Variants in SLC35E2B observed in about 807,000 individuals in gnomAD.
The protein encoded by SLC35E2B is solute carrier family 35, member E2B.
Under a neutral mutation model 32.4 loss-of-function variants are expected in SLC35E2B, and 18 were observed. The ratio of observed to expected loss-of-function variants is 0.56; its 90% CI spans 0.38 to 0.82. SLC35E2B has a LOEUF of 0.82. Among genes scored for constraint, SLC35E2B ranks in the 40% least tolerant of loss-of-function variants. The pLI is 0.00. For synonymous variants in SLC35E2B, 132 were observed against 209.1 expected (o/e 0.63, Z 3.18); for missense variants, 263 against 469.5 (o/e 0.56, Z 4.06).
chr1:1,678,680 G>A (rs1320179793), intron 2 of SLC35E2B, among the ~76,000 whole-genome samples: 1 of 152,080 alleles, frequency 6.6e-6, no homozygotes, highest in African/African-American at 2.4e-5. Context: ...CCACTCCTCG[G>A]GCCACTGACA....
chr1:1,666,213 C>T (rs1048281260), intron 9 of SLC35E2B, among the ~76,000 whole-genome samples, 194 bp from the exon 10 acceptor site: 15 of 152,240 alleles, frequency 9.9e-5, no homozygotes, highest in Non-Finnish European at 1.6e-4. Context: ...GGGTGCTCAA[C>T]GGGACCTCGG....
chr1:1,686,554 C>A (rs1192226260), intron 2 of SLC35E2B, among the ~76,000 whole-genome samples: 2 of 143,430 alleles, frequency 1.4e-5, no homozygotes, highest in Admixed American at 1.4e-4. Flanking sequence ...GAGGCCGAGG[C>A]GGGTGGATCA....
Position 1,677,615 on chromosome 1 carries a change from C to T in SLC35E2B, c.-147-769G>A, listed in dbSNP as rs545609121. The stretch of plus-strand genomic sequence containing the variant: ...GCCTCAGGCTCCCGAGTAGCTGGGA[C>T]GACAGGCGTCCGCCACCACGTCCGG... On this transcript the variant is annotated intron_variant, in intron 2 of 9. Transcript: ENST00000617444. Among the ~76,000 whole-genome samples, 16 of 151,612 alleles carry T rather than the reference C, an allele frequency of 1.1e-4. No individual in the cohort carries two copies. In the South Asian group the frequency reaches 1.9e-3, roughly 18 times the overall value.
chr1:1,678,126 G>A (rs1041389949), intron 2 of SLC35E2B, among the ~76,000 whole-genome samples: 4 of 152,122 alleles, frequency 2.6e-5, no homozygotes, highest in Admixed American at 1.3e-4. Context: ...CGTGCTGCCC[G>A]ACCCAGTACC....
intron 2 of SLC35E2B, among the ~76,000 whole-genome samples, chr1:1,682,437 T>C (rs766512761): frequency 6.6e-6 from 1 of 151,920 alleles, no homozygotes; most frequent in Admixed American, 6.6e-5. Context: ...GAAGCTACGA[T>C]GGAAATGAGG....
intron 2 of SLC35E2B, among the ~76,000 whole-genome samples, chr1:1,688,888 G>A (rs1249716847): frequency 9.9e-5 from 15 of 151,404 alleles, no homozygotes; most frequent in African/African-American, 1.2e-4. Context: ...TAAGGACCTC[G>A]AGGTCGGGCG....
chr1:1,689,935 C>G (rs1643998925), intron 2 of SLC35E2B, among the ~76,000 whole-genome samples: 3 of 149,572 alleles, frequency 2.0e-5, no homozygotes, highest in East Asian at 2.0e-4. Flanking sequence ...TGCAGTGAGC[C>G]CAGACTGCGC....
At chr1:1,670,016 G>T in intron 7 of SLC35E2B, 82 bp downstream of exon 7, 1 of 1,256,822 alleles carries the variant, frequency 8.0e-7, no homozygotes, top group Non-Finnish European at 1.1e-6. Flanking sequence ...AGTCAGGCCT[G>T]TGGGGTGTTC....
intron 5 of SLC35E2B, among the ~76,000 whole-genome samples, chr1:1,673,841 T>C (rs1643768987): frequency 6.7e-6 from 1 of 149,206 alleles, no homozygotes; most frequent in Non-Finnish European, 1.5e-5. Flanking sequence ...TGGGCGCCTG[T>C]AGTCCCAGCT....
chr1:1,675,499 C>T lies in SLC35E2B; in HGVS notation c.550G>A (p.Val184Met), dbSNP rs1406886900. Residue 184 changes from valine (V) to methionine (M), a missense_variant, in exon 5 of 10, where the codon GTG becomes ATG. Val to Met is a conservative substitution (Grantham distance 21, BLOSUM62 1). Around this residue, in one of 7 missense-constraint regions of SLC35E2B, gnomAD observed 129 missense variants for 164.5 expected, o/e 0.78. Coordinates refer to ENST00000617444, the MANE Select transcript of SLC35E2B (RefSeq NM_001290264.2). ...TVKSSAPIFT[V>M]IMSRMILGEY... The stretch of plus-strand genomic sequence containing the variant: ...CCCAGAATCATCCGAGACATGATCA[C>T]CGTGAAGATGGGGGCGGAGCTCTTC... 3.1e-6 allele frequency: 5 copies of T among 1,603,178 alleles called. No homozygotes were observed. Among genetic ancestry groups the T allele is most frequent in the Admixed American group, 1.7e-5 (1 of 58,542 alleles).
At chr1:1,691,503 T>C (rs1277075873) in intron 1 of SLC35E2B, 110 bp from the exon 2 acceptor site, 743 of 137,742 alleles carry the variant, frequency 5.4e-3, no homozygotes, top group African/African-American at 0.021. Flanking sequence ...ACTTTGCACC[T>C]CGTCCAACTG....
Position 1,670,156 on chromosome 1 carries a change from A to G in SLC35E2B, c.708-5T>C. ...TTTGAAAAAACATTTTGCAAACTAGAATAAAGAAAAGAGGTTATGCATCAA... is the reference window on the plus strand; with the variant it reads ...TTTGAAAAAACATTTTGCAAACTAGGATAAAGAAAAGAGGTTATGCATCAA... On this transcript the variant is annotated splice_polypyrimidine_tract_variant and splice_region_variant and intron_variant, in intron 6 of 9. Transcript: ENST00000617444. 2 of 1,549,316 alleles carry G rather than the reference A, an allele frequency of 1.3e-6. No homozygotes were observed. Among genetic ancestry groups the G allele is most frequent in the Non-Finnish European group, 1.7e-6 (2 of 1,144,550 alleles).
rs1557767375 is a variant in SLC35E2B at position 1,688,017 on chromosome 1, TGTTGG to T, written c.-148+2954_-148+2958del. ...GGGAAAGACACCAGAGGAGCGGTCATGTTGGCTGCGCCGAAAGTTTGTGATCTAGG... is the reference window on the plus strand; with the variant it reads ...GGGAAAGACACCAGAGGAGCGGTCATCTGCGCCGAAAGTTTGTGATCTAGG... On this transcript the variant is annotated intron_variant, in intron 2 of 9. Coordinates refer to ENST00000617444, the MANE Select transcript of SLC35E2B (RefSeq NM_001290264.2). 3.9e-5 allele frequency among the ~76,000 whole-genome samples: 6 copies of T among 152,180 alleles called. No homozygotes were observed. The East Asian group carries it at 1.2e-3, about 29-fold the overall frequency.
rs1466863871 is a variant in SLC35E2B at position 1,665,456 on chromosome 1, G to T, written c.*326C>A. The T allele has an allele frequency of 1.5e-5, 8 of 527,296 alleles. No homozygotes were observed. The highest frequency in any genetic ancestry group is 1.2e-4 in the African/African-American group (6 of 52,050). The allele number at this position is 527,296 out of a possible 1,614,324, so 32.7% of individuals were successfully genotyped here. On this transcript the variant is annotated 3_prime_UTR_variant, in exon 10 of 10. Transcript: ENST00000617444. ...CTCGTTGGCACTGGACCCACCTCTGGCTCCCGGTGGACCCTGGGGTGTCGC... is the reference window on the plus strand; with the variant it reads ...CTCGTTGGCACTGGACCCACCTCTGTCTCCCGGTGGACCCTGGGGTGTCGC...
At chr1:1,684,621 C>T (rs1295939885) in intron 2 of SLC35E2B, among the ~76,000 whole-genome samples, 1 of 151,880 alleles carries the variant, frequency 6.6e-6, no homozygotes, top group East Asian at 1.9e-4. Flanking sequence ...GAAACCCCGT[C>T]TCCACTAAAA....
At chr1:1,688,352 A>G (rs1209254294) in intron 2 of SLC35E2B, among the ~76,000 whole-genome samples, 1 of 152,146 alleles carries the variant, frequency 6.6e-6, no homozygotes, top group Non-Finnish European at 1.5e-5. Flanking sequence ...CACACCTGCC[A>G]TCCCAGCACT....
intron 2 of SLC35E2B, among the ~76,000 whole-genome samples, chr1:1,688,236 G>GA (rs1408227598): frequency 4.6e-5 from 7 of 152,126 alleles, no homozygotes; most frequent in African/African-American, 1.7e-4. Context: ...GACAGAATGA[G>GA]AAGCCACCAT....
At chr1:1,679,830 CAAAAAAA>C (rs763458628) in intron 2 of SLC35E2B, among the ~76,000 whole-genome samples, 7 of 70,754 alleles carry the variant, frequency 9.9e-5, no homozygotes, top group Non-Finnish European at 1.5e-4. Flanking sequence ...AGACTCCCGT[CAAAAAAA>C]AAAAAAAAAA....
At chr1:1,684,802 A>AAC (rs1643931872) in intron 2 of SLC35E2B, among the ~76,000 whole-genome samples, 2 of 147,378 alleles carry the variant, frequency 1.4e-5, no homozygotes, top group African/African-American at 5.0e-5. Context: ...AAAAAAAAAA[A>AAC]AAAAAAAAAA....
Sources: allele counts gnomAD v4.1 joint callset (sites outside exome capture counted in the v4.1 genomes callset), GRCh38; gene constraint gnomAD v4.1.1; regional missense constraint gnomAD v4.1.1; transcripts MANE v1.5; gene names NCBI Gene and HGNC (gene_info 2026-07-23, HGNC 2026-07-21).